DPEP1: variants seen among roughly 807,000 people sequenced by gnomAD.
The protein encoded by DPEP1 is beta-lactamase.
In DPEP1, 50 loss-of-function variants were observed where a neutral mutation model predicts 42.3. The observed-to-expected ratio is 1.18, with a 90% CI of 0.94 to 1.50. DPEP1 has a LOEUF of 1.50. Ranked by LOEUF, DPEP1 falls within the 40% of genes most tolerant of loss-of-function variation. The pLI is 0.00. For missense variants in DPEP1, 663 were observed against 553.0 expected (o/e 1.20, Z -1.99); for synonymous variants, 297 against 234.0 (o/e 1.27, Z -2.46).
At chr16:89,620,420 C>A (rs998926948) in intron 1 of DPEP1, among the ~76,000 whole-genome samples, 4 of 152,174 alleles carry the variant, frequency 2.6e-5, no homozygotes, top group Non-Finnish European at 5.9e-5. Flanking sequence ...TACACTACTG[C>A]CTGGGGGGCC....
chr16:89,630,915 T>C (rs1048764840), intron 2 of DPEP1, among the ~76,000 whole-genome samples: 1 of 151,880 alleles, frequency 6.6e-6, no homozygotes, highest in African/African-American at 2.4e-5. Context: ...TGGCCCCTGC[T>C]GCTTTGTGGG....
At chr16:89,628,799 T>C (rs1001288652) in intron 1 of DPEP1, among the ~76,000 whole-genome samples, 1 of 151,562 alleles carries the variant, frequency 6.6e-6, no homozygotes, top group African/African-American at 2.4e-5. Flanking sequence ...TTTTAAAGGT[T>C]TGTGGGGGAG....
chr16:89,615,966 C>A (rs532158057), intron 1 of DPEP1, among the ~76,000 whole-genome samples: 2 of 152,018 alleles, frequency 1.3e-5, no homozygotes, highest in South Asian at 2.1e-4. Flanking sequence ...CCCTACGTGT[C>A]GTGTCCCCAG....
intron 1 of DPEP1, among the ~76,000 whole-genome samples, chr16:89,615,838 G>A (rs542346905): frequency 6.6e-6 from 1 of 152,290 alleles, no homozygotes; most frequent in Non-Finnish European, 1.5e-5. Flanking sequence ...AATTGGAGAG[G>A]AGTGGGCTGT....
intron 1 of DPEP1, among the ~76,000 whole-genome samples, chr16:89,628,928 G>A (rs1357103669): frequency 6.6e-6 from 1 of 151,964 alleles, no homozygotes; most frequent in Non-Finnish European, 1.5e-5. Flanking sequence ...CCGGGTTCAA[G>A]TGATTCTCCT....
chr16:89,616,138 G>T (rs1240176484), intron 1 of DPEP1, among the ~76,000 whole-genome samples: 1 of 151,872 alleles, frequency 6.6e-6, no homozygotes, highest in Non-Finnish European at 1.5e-5. Context: ...CGCAGCAGGA[G>T]GCTGGGTCCG....
chr16:89,621,665 A>G (rs561230603), intron 1 of DPEP1, among the ~76,000 whole-genome samples: 28 of 152,318 alleles, frequency 1.8e-4, no homozygotes, highest in African/African-American at 5.3e-4. Flanking sequence ...TCCCTCGCAC[A>G]TGCAAGGAAG....
At chr16:89,629,131 T>A (rs2059552463) in intron 1 of DPEP1, among the ~76,000 whole-genome samples, 1 of 152,242 alleles carries the variant, frequency 6.6e-6, no homozygotes, top group South Asian at 2.1e-4. Context: ...CCAGCTATTT[T>A]AAAGTTTTAT....
At chr16:89,618,213 T>C (rs1252802603) in intron 1 of DPEP1, among the ~76,000 whole-genome samples, 2 of 152,130 alleles carry the variant, frequency 1.3e-5, no homozygotes, top group African/African-American at 4.8e-5. Context: ...TTTTAATTAA[T>C]TTATTAGTTT....
intron 2 of DPEP1, among the ~76,000 whole-genome samples, chr16:89,633,214 G>T (rs1355967643): frequency 2.0e-5 from 3 of 152,200 alleles, no homozygotes; most frequent in African/African-American, 7.2e-5. Context: ...CTCAGCAAGT[G>T]CGTCCTGACC....
At chr16:89,638,027 C>T (rs2059707386) in intron 10 of DPEP1, 25 bp from the exon 11 acceptor site, 8 of 1,610,820 alleles carry the variant, frequency 5.0e-6, no homozygotes, top group Non-Finnish European at 6.8e-6. Context: ...GGCAGGCTGC[C>T]CCACCCGTGT....
chr16:89,631,287 C>G (rs932879918), intron 2 of DPEP1, among the ~76,000 whole-genome samples: 43 of 152,234 alleles, frequency 2.8e-4, no homozygotes, highest in South Asian at 6.2e-4. Context: ...CTGTCCTGAC[C>G]TCCTCAGGGC....
chr16:89,614,446 G>T (rs2059361508), intron 1 of DPEP1, among the ~76,000 whole-genome samples: 3 of 152,188 alleles, frequency 2.0e-5, no homozygotes, highest in Admixed American at 2.0e-4. Flanking sequence ...TAAGAGCAGG[G>T]CCTGTTGTCC....
chr16:89,618,342 A>AT (rs1164144154), intron 1 of DPEP1, among the ~76,000 whole-genome samples: 4 of 152,072 alleles, frequency 2.6e-5, no homozygotes, highest in African/African-American at 9.7e-5. Context: ...TCGGTCTGCT[A>AT]TGTAGCCAAG....
chr16:89,635,937 A>T lies in DPEP1; in HGVS notation c.134A>T (p.Asp45Val), dbSNP rs774180885. 1.4e-5 allele frequency: 23 copies of T among 1,610,462 alleles called. No homozygotes were observed. The highest frequency in any genetic ancestry group is 2.0e-5 in the Non-Finnish European group (23 of 1,178,832). The change falls in exon 3 of 11, where the codon GAT becomes GTT. Residue 45 changes from aspartate (D) to valine (V), a missense_variant. Transcript: ENST00000690203. ...AATGACCTCCCCTGGCAGCTGCTGGATATGTTCAACAACCGGCTGCAGGAC... is the reference window on the plus strand; with the variant it reads ...AATGACCTCCCCTGGCAGCTGCTGGTTATGTTCAACAACCGGCTGCAGGAC... ...GHNDLPWQLL[D>V]MFNNRLQDER...
intron 9 of DPEP1, 46 bp downstream of exon 9, chr16:89,637,753 TGGCCTCGTCAGA>T: frequency 6.2e-7 from 1 of 1,612,690 alleles, no homozygotes; most frequent in African/African-American, 1.3e-5. Context: ...GGGAGGTTCA[TGGCCTCGTCAGA>T]GGGATGAGGT....
chr16:89,635,778 C>T (rs369317763), intron 2 of DPEP1, 130 bp from the exon 3 acceptor site: 1 of 1,300,894 alleles, frequency 7.7e-7, no homozygotes, highest in Non-Finnish European at 1.0e-6. Context: ...ACCCCCGCGG[C>T]CTAGACTTCA....
chr16:89,637,302 G>A lies in DPEP1; in HGVS notation c.690G>A (p.Pro230=), dbSNP rs1040836464. 9.3e-6 allele frequency: 15 copies of A among 1,612,516 alleles called. No individual in the cohort carries two copies. The highest frequency in any genetic ancestry group is 5.3e-5 in the African/African-American group (4 of 74,926). The stretch of plus-strand genomic sequence containing the variant: ...CCACCCTGCAGCTGTCCAGAGCCCC[G>A]GTCATCTTCAGCCACTCCTCGGCCT... The part of the protein sequence containing the change: ...MKATLQLSRA[P]VIFSHSSAYS... The change falls in exon 7 of 11, where the codon CCG becomes CCA. Residue 230 remains proline, a synonymous_variant. Transcript: ENST00000690203.
chr16:89,631,921 C>T (rs928464578), intron 2 of DPEP1, among the ~76,000 whole-genome samples: 1 of 152,126 alleles, frequency 6.6e-6, no homozygotes, highest in African/African-American at 2.4e-5. Flanking sequence ...GTCCCTGCAT[C>T]CTCATGGTTT....
Sources: gnomAD v4.1 joint callset for allele counts (sites outside exome capture counted in the v4.1 genomes callset) on GRCh38, gnomAD v4.1.1 for gene constraint, MANE v1.5 for transcripts, NCBI Gene and HGNC (gene_info 2026-07-23, HGNC 2026-07-21) for gene names.